The following TRAF3IP1 variants were observed in gnomAD, a reference collection of about 807,000 sequenced individuals.
The protein encoded by TRAF3IP1 is TRAF3-interacting protein 1.
A neutral mutation model predicts 89.9 loss-of-function variants in TRAF3IP1; 53 were observed. The observed-to-expected ratio is 0.59, with a 90% CI of 0.47 to 0.74. TRAF3IP1 has a LOEUF of 0.74. TRAF3IP1 is among the 30% of genes least tolerant of loss of function. The pLI is 0.00. For missense variants in TRAF3IP1, 806 were observed against 866.1 expected (o/e 0.93, Z 0.87); for synonymous variants, 311 against 322.1 (o/e 0.97, Z 0.37).
intron 15 of TRAF3IP1, among the ~76,000 whole-genome samples, chr2:238,373,348 T>C (rs1700185430): frequency 6.6e-6 from 1 of 152,240 alleles, no homozygotes; most frequent in Non-Finnish European, 1.5e-5. Flanking sequence ...GCTTTCTACA[T>C]ATGGCTAGCC....
intron 15 of TRAF3IP1, among the ~76,000 whole-genome samples, chr2:238,373,946 A>G (rs1559385519): frequency 6.6e-6 from 1 of 152,182 alleles, no homozygotes; most frequent in Non-Finnish European, 1.5e-5. Context: ...TTAATGGTGT[A>G]TAGGAATTCT....
chr2:238,375,776 T>G (rs1447205779), intron 15 of TRAF3IP1, among the ~76,000 whole-genome samples: 2 of 152,190 alleles, frequency 1.3e-5, no homozygotes, highest in Admixed American at 6.5e-5. Flanking sequence ...GCGAGTCGGT[T>G]AAGAAATCCT....
chr2:238,354,616 G>A (rs141936023), intron 14 of TRAF3IP1, among the ~76,000 whole-genome samples: 76 of 152,142 alleles, frequency 5.0e-4, no homozygotes, highest in African/African-American at 1.8e-3. Context: ...TGGAAACGCT[G>A]AAGGATTTTA....
At chr2:238,375,123 A>G (rs1046885596) in intron 15 of TRAF3IP1, among the ~76,000 whole-genome samples, 6 of 151,900 alleles carry the variant, frequency 3.9e-5, no homozygotes, top group Admixed American at 2.6e-4. Flanking sequence ...TTGTGTCTCT[A>G]TCTCCTTCAG....
rs934955538 is a variant in TRAF3IP1, at chr2:238,398,010, G to A, written c.1910+331G>A. Among the ~76,000 whole-genome samples, 13 of 2,388 alleles carry A rather than the reference G, an allele frequency of 5.4e-3. 1 individual carries two copies. Among genetic ancestry groups the A allele is most frequent in the African/African-American group, 0.024 (10 of 420 alleles). 1.6% of individuals were successfully genotyped at this position (2,388 alleles called of 152,430 possible). A position where few individuals can be genotyped will look rare whatever the true frequency, so the allele number is the denominator to read the frequency against. On this transcript the variant is annotated intron_variant, in intron 16 of 16. Coordinates refer to ENST00000373327, the MANE Select transcript of TRAF3IP1 (RefSeq NM_015650.4). ...GAGGTGAGGGGAAGTAATGGGGAGG[G>A]GGCCCTGCAGCAGGAGCAGAGGTGA...
At chr2:238,347,763 G>A (rs534411499) in intron 10 of TRAF3IP1, among the ~76,000 whole-genome samples, 1 of 152,068 alleles carries the variant, frequency 6.6e-6, no homozygotes, top group Admixed American at 6.5e-5. Flanking sequence ...GAGTAGCTGG[G>A]ATTACAGGCA....
At chr2:238,327,179 G>A (rs1053676698) in intron 3 of TRAF3IP1, among the ~76,000 whole-genome samples, 9 of 152,156 alleles carry the variant, frequency 5.9e-5, no homozygotes, top group Non-Finnish European at 1.3e-4. Flanking sequence ...GCTGTCTCCC[G>A]TCGGCCTCTT....
chr2:238,371,625 G>A (rs1700115239), intron 15 of TRAF3IP1, among the ~76,000 whole-genome samples: 2 of 152,178 alleles, frequency 1.3e-5, no homozygotes, highest in South Asian at 4.1e-4. Flanking sequence ...CAGCGCAGTG[G>A]CCACTCGCCC....
Position 238,351,866 on chromosome 2 carries a change from T to TGCGCGCGC in TRAF3IP1, c.1452-955_1452-948dup, listed in dbSNP as rs964910880. ...GTGTGTGTGTGTGTGTGTGTGTGTG[T>TGCGCGCGC]GCGCGCGCGCGCGTGTGCGTGCATG... On this transcript the variant is annotated intron_variant, in intron 12 of 16. Transcript: ENST00000373327. This position sits in a 1 kb window ranked among gnomAD's most constrained non-coding sequence, Gnocchi z 5.2. Among the ~76,000 whole-genome samples the TGCGCGCGC allele has an allele frequency of 3.8e-3, 485 of 128,224 alleles. 4 individuals are homozygous for TGCGCGCGC. Among genetic ancestry groups the TGCGCGCGC allele is most frequent in the Non-Finnish European group, 6.5e-3 (407 of 62,232 alleles). The allele number at this position is 128,224 out of a possible 152,430, so 84.1% of individuals were successfully genotyped here. A position where few individuals can be genotyped will look rare whatever the true frequency, so the allele number is the denominator to read the frequency against.
intron 8 of TRAF3IP1, among the ~76,000 whole-genome samples, chr2:238,340,942 C>T (rs1264213546): frequency 6.6e-6 from 1 of 152,064 alleles, no homozygotes; most frequent in Non-Finnish European, 1.5e-5. Context: ...ACTGCAACCT[C>T]CGCCTCCCGG....
At chr2:238,333,417 G>A (rs1026008663) in intron 6 of TRAF3IP1, among the ~76,000 whole-genome samples, 4 of 152,124 alleles carry the variant, frequency 2.6e-5, no homozygotes, top group Admixed American at 6.5e-5. Flanking sequence ...GCCAACTTTC[G>A]TAATCCAATT....
chr2:238,338,074 A>AGAG (rs1340830612), intron 7 of TRAF3IP1, among the ~76,000 whole-genome samples: 1 of 151,994 alleles, frequency 6.6e-6, no homozygotes, highest in Non-Finnish European at 1.5e-5. Context: ...CAGAAGAGGA[A>AGAG]GAGGAGGAGG....
intron 5 of TRAF3IP1, among the ~76,000 whole-genome samples, chr2:238,331,241 A>G (rs1438227975): frequency 6.6e-6 from 1 of 151,344 alleles, no homozygotes; most frequent in East Asian, 1.9e-4. Flanking sequence ...CAGGTGGATC[A>G]TGAGGTCAAG....
At chr2:238,357,068 G>A (rs754881616) in intron 15 of TRAF3IP1, among the ~76,000 whole-genome samples, 24 of 152,196 alleles carry the variant, frequency 1.6e-4, no homozygotes, top group South Asian at 4.1e-4. Context: ...GTGAGCCACC[G>A]CGCCTGGCCG....
At chr2:238,385,830 C>G (rs1020735469) in intron 15 of TRAF3IP1, among the ~76,000 whole-genome samples, 1 of 152,064 alleles carries the variant, frequency 6.6e-6, no homozygotes, top group African/African-American at 2.4e-5. Flanking sequence ...GACTGGCCTT[C>G]TTGCACCGCT....
chr2:238,380,421 G>A (rs1194830882), intron 15 of TRAF3IP1, among the ~76,000 whole-genome samples: 2 of 152,234 alleles, frequency 1.3e-5, no homozygotes, highest in Non-Finnish European at 1.5e-5. Flanking sequence ...GGGTCCCTGA[G>A]TGGTGGGGGT....
Position 238,320,559 on chromosome 2 carries a change from C to T in TRAF3IP1, c.-104C>T, listed in dbSNP as rs1559349348. On this transcript the variant is annotated 5_prime_UTR_variant, in exon 1 of 17. Coordinates refer to ENST00000373327, the MANE Select transcript of TRAF3IP1 (RefSeq NM_015650.4). ...ACCGGAGCGGCGCGTCCTGGCAGGA[C>T]CGGGCGGCGGCGGCGGCGGGGCCGG... 2 of 1,037,512 alleles carry T rather than the reference C, an allele frequency of 1.9e-6. No individual in the cohort carries two copies. The highest frequency in any genetic ancestry group is 2.3e-6 in the Non-Finnish European group (2 of 865,372). 64.3% of individuals were successfully genotyped at this position (1,037,512 alleles called of 1,614,324 possible).
chr2:238,352,277 C>T (rs1418270631), intron 12 of TRAF3IP1, among the ~76,000 whole-genome samples: 6 of 151,960 alleles, frequency 3.9e-5, no homozygotes, highest in Non-Finnish European at 4.4e-5. Context: ...GCAGTGTGTA[C>T]GTGGTGCTGA....
chr2:238,330,611 A>C (rs902788776), intron 5 of TRAF3IP1, among the ~76,000 whole-genome samples: 1 of 152,090 alleles, frequency 6.6e-6, no homozygotes, highest in Non-Finnish European at 1.5e-5. Context: ...GTCTTGTGGC[A>C]CTGCGTCTCA....
Sources: allele counts gnomAD v4.1 joint callset (sites outside exome capture counted in the v4.1 genomes callset), GRCh38; gene constraint gnomAD v4.1.1; non-coding constraint Gnocchi (gnomAD v3.1); transcripts MANE v1.5; gene names NCBI Gene and HGNC (gene_info 2026-07-23, HGNC 2026-07-21).